SPATA1: variants seen among roughly 807,000 people sequenced by gnomAD.
SPATA1 encodes spermatogenesis associated 1.
SPATA1 carries 57 observed loss-of-function variants against 59.6 expected under a neutral mutation model. That is an observed-to-expected ratio of 0.96 (90% CI 0.77 to 1.19). The LOEUF is 1.19. SPATA1 is among the 50% of genes most tolerant of loss of function. The probability of loss-of-function intolerance (pLI) is 0.00; values close to 1 mark genes in which losing one functional copy is unlikely to be tolerated. For synonymous variants in SPATA1, 147 were observed against 163.9 expected (o/e 0.90, Z 0.79); for missense variants, 448 against 480.7 (o/e 0.93, Z 0.64).
intron 8 of SPATA1, among the ~76,000 whole-genome samples, chr1:84,536,804 T>A (rs1057420651): frequency 5.3e-5 from 8 of 152,138 alleles, no homozygotes; most frequent in Non-Finnish European, 7.4e-5. Flanking sequence ...CAGAATTCTT[T>A]TAAAAAACCT....
At position 84,563,623 on chromosome 1, in the gene SPATA1, A is replaced by G; in HGVS notation, n.443-2238A>G. ...ATAGAAGTAAAAATAAATAATTTTTATCTCAAACTATATTTCAGAGATTCT... is the reference window on the plus strand; with the variant it reads ...ATAGAAGTAAAAATAAATAATTTTTGTCTCAAACTATATTTCAGAGATTCT... On this transcript the variant is annotated intron_variant and non_coding_transcript_variant, in intron 4 of 4. Coordinates refer to the SPATA1 transcript ENST00000460286. 1.0e-5 allele frequency: 7 copies of G among 698,484 alleles called. No homozygotes were observed. The South Asian group carries it at 2.0e-4, about 20-fold the overall frequency. The allele number at this position is 698,484 out of a possible 1,614,324, so 43.3% of individuals were successfully genotyped here. A position where few individuals can be genotyped will look rare whatever the true frequency, so the allele number is the denominator to read the frequency against.
downstream of SPATA1, chr1:84,555,157 G>A (rs762671358): frequency 1.2e-6 from 2 of 1,613,846 alleles, no homozygotes; most frequent in South Asian, 2.2e-5. Flanking sequence ...GAAATACTCT[G>A]AGGGTTATCA....
At chr1:84,548,105 TAAATATCC>T (rs1684148395) in intron 10 of SPATA1, among the ~76,000 whole-genome samples, 1 of 152,154 alleles carries the variant, frequency 6.6e-6, no homozygotes, top group African/African-American at 2.4e-5. Flanking sequence ...GAGCATGAGA[TAAATATCC>T]AAAATCTTGA....
intron 8 of SPATA1, among the ~76,000 whole-genome samples, chr1:84,543,596 T>C (rs1042923088): frequency 6.6e-6 from 1 of 152,106 alleles, no homozygotes; most frequent in African/African-American, 2.4e-5. Context: ...ACAGTATCAA[T>C]GGGGAAATCT....
intron 1 of SPATA1, among the ~76,000 whole-genome samples, chr1:84,509,488 G>T (rs1199756465): frequency 6.6e-6 from 1 of 152,244 alleles, no homozygotes; most frequent in Non-Finnish European, 1.5e-5. Context: ...TGGAGTTGGG[G>T]CATGGTGGCT....
chr1:84,506,964 A>G (rs1682286172), intron 1 of SPATA1: 1 of 152,164 alleles, frequency 6.6e-6, no homozygotes, highest in South Asian at 2.1e-4. Context: ...TGCTTATTGT[A>G]CTTTTTAAAA....
chr1:84,509,771 AAAG>A (rs1682455756), intron 1 of SPATA1, among the ~76,000 whole-genome samples: 2 of 152,328 alleles, frequency 1.3e-5, no homozygotes, highest in South Asian at 4.1e-4. Context: ...TCTCTCAAAA[AAAG>A]AAAAGAAAAC....
At chr1:84,561,728 A>G (rs761579026) in intron 4 of SPATA1, among the ~76,000 whole-genome samples, 6 of 152,190 alleles carry the variant, frequency 3.9e-5, no homozygotes, top group Non-Finnish European at 7.3e-5. Context: ...GCAGCCATCA[A>G]TGACAAGGCA....
At chr1:84,550,360 T>G (rs1684233764) in intron 11 of SPATA1, 72 bp from the exon 12 acceptor site, 1 of 665,030 alleles carries the variant, frequency 1.5e-6, no homozygotes, top group African/African-American at 1.9e-5. Flanking sequence ...TTTCATAGTT[T>G]ATGTTCACAA....
At chr1:84,528,487 A>G (rs973884682) in intron 6 of SPATA1, among the ~76,000 whole-genome samples, 7 of 152,174 alleles carry the variant, frequency 4.6e-5, no homozygotes, top group Admixed American at 2.0e-4. Context: ...TTATTTATGT[A>G]TATCATTTTG....
At chr1:84,550,382 A>G in intron 11 of SPATA1, 50 bp from the exon 12 acceptor site, 1 of 944,720 alleles carries the variant, frequency 1.1e-6, no homozygotes, top group South Asian at 2.6e-5. Flanking sequence ...GCAGTTAAAA[A>G]TAAAAATGTT....
chr1:84,548,666 G>T, intron 10 of SPATA1, 120 bp from the exon 11 acceptor site: 1 of 1,201,280 alleles, frequency 8.3e-7, no homozygotes. Context: ...AGAGAAAGAG[G>T]AAAATGGTTT....
chr1:84,534,445 A>G (rs1683592070), intron 8 of SPATA1, among the ~76,000 whole-genome samples: 1 of 152,112 alleles, frequency 6.6e-6, no homozygotes, highest in Admixed American at 6.5e-5. Context: ...TCCATGAGGT[A>G]GGTTATGGTT....
intron 1 of SPATA1, among the ~76,000 whole-genome samples, chr1:84,513,924 G>A (rs1033324466): frequency 1.4e-5 from 2 of 144,234 alleles, no homozygotes; most frequent in Admixed American, 7.1e-5. Flanking sequence ...TCACTGCAAC[G>A]TCCACCTCCC....
chr1:84,510,765 T>C (rs1385245468), intron 1 of SPATA1, among the ~76,000 whole-genome samples: 13 of 152,222 alleles, frequency 8.5e-5, no homozygotes, highest in Non-Finnish European at 2.9e-5. Flanking sequence ...CCTAAGTGTC[T>C]ATCAACAGAT....
In SPATA1 at chr1:84,565,452, C is replaced by T. The variant is rs936280237; in HGVS notation, n.443-409C>T. On this transcript the variant is annotated intron_variant and non_coding_transcript_variant, in intron 4 of 4. Transcript: ENST00000460286. ...CATATCTATCTTTGCTATTATTTAACACTGGTTATTTCAACAAAAATATCC... is the reference window on the plus strand; with the variant it reads ...CATATCTATCTTTGCTATTATTTAATACTGGTTATTTCAACAAAAATATCC... 6.6e-5 allele frequency among the ~76,000 whole-genome samples: 10 copies of T among 152,274 alleles called. No homozygotes were observed. The East Asian group carries it at 1.7e-3, about 26-fold the overall frequency.
intron 10 of SPATA1, 65 bp downstream of exon 10, chr1:84,545,824 T>A: frequency 8.8e-7 from 1 of 1,133,130 alleles, no homozygotes; most frequent in Non-Finnish European, 1.2e-6. Context: ...ATTGATCCTT[T>A]TAGAATAAAT....
chr1:84,546,158 T>A (rs1020979021), intron 10 of SPATA1, among the ~76,000 whole-genome samples: 3 of 152,166 alleles, frequency 2.0e-5, no homozygotes, highest in African/African-American at 4.8e-5. Context: ...AAGTTAAGCA[T>A]CAATGATACA....
At chr1:84,557,541 AAAAAAAAAAAAAG>A (rs1231161810), downstream of SPATA1, among the ~76,000 whole-genome samples, 6 of 137,334 alleles carry the variant, frequency 4.4e-5, no homozygotes, top group Non-Finnish European at 9.0e-5. Context: ...CTCAAAAAAA[AAAAAAAAAAAAAG>A]AAAAAAAAAA....
Sources: gnomAD v4.1 joint callset for allele counts (sites outside exome capture counted in the v4.1 genomes callset) on GRCh38, gnomAD v4.1.1 for gene constraint, MANE v1.5 for transcripts, NCBI Gene and HGNC (gene_info 2026-07-23, HGNC 2026-07-21) for gene names.